The following ANKRD17 variants were observed in gnomAD, a reference collection of about 807,000 sequenced individuals.
The protein encoded by ANKRD17 is ankyrin repeat domain-containing protein 17.
A neutral mutation model predicts 229.7 loss-of-function variants in ANKRD17; 19 were observed. The ratio of observed to expected loss-of-function variants is 0.08; its 90% CI spans 0.06 to 0.12. The LOEUF is 0.12. ANKRD17 is among the 10% of genes least tolerant of loss of function. ANKRD17 has a pLI of 1.00. For missense variants in ANKRD17, 2,176 were observed against 3,176.8 expected (o/e 0.68, Z 7.57); for synonymous variants, 1,112 against 1,146.1 (o/e 0.97, Z 0.60).
chr4:73,241,246 AT>A (rs1243180032), intron 1 of ANKRD17, among the ~76,000 whole-genome samples: 1 of 152,208 alleles, frequency 6.6e-6, no homozygotes, highest in East Asian at 1.9e-4. Context: ...CTGATTAACT[AT>A]TTGGAAATAC....
chr4:73,193,011 G>C (rs1303868002), intron 1 of ANKRD17, among the ~76,000 whole-genome samples: 1 of 151,810 alleles, frequency 6.6e-6, no homozygotes, highest in African/African-American at 2.4e-5. Flanking sequence ...TACGAATTTT[G>C]AAAAATATAT....
intron 30 of ANKRD17, among the ~76,000 whole-genome samples, chr4:73,082,773 T>C (rs1721706326): frequency 6.6e-6 from 1 of 152,154 alleles, no homozygotes; most frequent in African/African-American, 2.4e-5. Context: ...TCTAGATTAT[T>C]TGAGACTAAA....
At chr4:73,212,853 T>TA (rs986917717) in intron 1 of ANKRD17, among the ~76,000 whole-genome samples, 4 of 143,964 alleles carry the variant, frequency 2.8e-5, no homozygotes, top group Non-Finnish European at 4.6e-5. Context: ...CCGTCTCTAC[T>TA]AAAAAAATAC....
intron 1 of ANKRD17, among the ~76,000 whole-genome samples, chr4:73,192,395 T>A (rs894143483): frequency 6.6e-6 from 1 of 152,024 alleles, no homozygotes; most frequent in Non-Finnish European, 1.5e-5. Context: ...CTATTTAAGT[T>A]GACTTAAAAA....
intron 6 of ANKRD17, among the ~76,000 whole-genome samples, chr4:73,152,319 G>C (rs1451863870): frequency 6.6e-6 from 1 of 152,100 alleles, no homozygotes; most frequent in Admixed American, 6.5e-5. Flanking sequence ...CCATAAGTAA[G>C]TGTAGTATCT....
At chr4:73,089,082 G>GGCTGGAATGCAGAGGTGTGATCTCAGCTC (rs2110147656) in intron 29 of ANKRD17, among the ~76,000 whole-genome samples, 1 of 149,600 alleles carries the variant, frequency 6.7e-6, no homozygotes. Flanking sequence ...TCTCCACCCA[G>GGCTGGAATGCAGAGGTGTGATCTCAGCTC]GCTGGAATGC....
chr4:73,205,404 A>T (rs964206548), intron 1 of ANKRD17, among the ~76,000 whole-genome samples: 1 of 152,206 alleles, frequency 6.6e-6, no homozygotes, highest in African/African-American at 2.4e-5. Context: ...AACACAGACC[A>T]ATGGAACAGA....
At chr4:73,187,143 G>T (rs1360445342) in intron 1 of ANKRD17, among the ~76,000 whole-genome samples, 1 of 152,068 alleles carries the variant, frequency 6.6e-6, no homozygotes, top group African/African-American at 2.4e-5. Context: ...AGATATCTGT[G>T]CAATTAAAAG....
intron 15 of ANKRD17, among the ~76,000 whole-genome samples, chr4:73,138,526 CTCA>C (rs1729199533): frequency 6.6e-6 from 1 of 151,856 alleles, no homozygotes; most frequent in African/African-American, 2.4e-5. Context: ...AAAAAATAAG[CTCA>C]TCATATTTAA....
chr4:73,122,330 T>C (rs1489627657), intron 18 of ANKRD17, among the ~76,000 whole-genome samples: 1 of 152,178 alleles, frequency 6.6e-6, no homozygotes, highest in African/African-American at 2.4e-5. Flanking sequence ...GTGGTTGTAC[T>C]ATGTACACTC....
chr4:73,125,092 T>C (rs539381485), intron 17 of ANKRD17, 34 bp from the exon 18 acceptor site: 1 of 1,610,316 alleles, frequency 6.2e-7, no homozygotes, highest in East Asian at 2.2e-5. Context: ...CACTACATGC[T>C]AAGGCAAAAG....
chr4:73,182,351 C>T (rs1206179367), intron 1 of ANKRD17, among the ~76,000 whole-genome samples: 1 of 152,036 alleles, frequency 6.6e-6, no homozygotes, highest in Non-Finnish European at 1.5e-5. Flanking sequence ...TAGAAATCAC[C>T]AGGTTCAATT....
At chr4:73,079,392 T>C (rs1390095877) in intron 30 of ANKRD17, among the ~76,000 whole-genome samples, 1 of 152,154 alleles carries the variant, frequency 6.6e-6, no homozygotes, top group Non-Finnish European at 1.5e-5. Context: ...TTTTTATTTA[T>C]TTTATTTATG....
At chr4:73,251,646 C>T (rs773298394) in intron 1 of ANKRD17, among the ~76,000 whole-genome samples, 6 of 151,418 alleles carry the variant, frequency 4.0e-5, no homozygotes, top group African/African-American at 7.3e-5. Flanking sequence ...GGCACTACTT[C>T]GCATACCAAT....
intron 27 of ANKRD17, among the ~76,000 whole-genome samples, chr4:73,096,342 G>C (rs1045230531): frequency 9.2e-5 from 14 of 152,186 alleles, no homozygotes; most frequent in Admixed American, 7.9e-4. Flanking sequence ...CCAATAGAGT[G>C]TGTATGTGAA....
chr4:73,165,781 C>T (rs1349758039), intron 2 of ANKRD17, among the ~76,000 whole-genome samples: 1 of 152,148 alleles, frequency 6.6e-6, no homozygotes, highest in East Asian at 1.9e-4. Flanking sequence ...ATTCTACTTG[C>T]CACTGCTGAC....
chr4:73,094,671 GTATA>G (rs1194671232), intron 27 of ANKRD17, among the ~76,000 whole-genome samples: 16 of 149,656 alleles, frequency 1.1e-4, no homozygotes, highest in Non-Finnish European at 1.8e-4. Context: ...ATACATATAT[GTATA>G]TATAGACATA....
At chr4:73,170,799 A>C (rs1029442048) in intron 2 of ANKRD17, among the ~76,000 whole-genome samples, 1 of 152,106 alleles carries the variant, frequency 6.6e-6, no homozygotes, top group African/African-American at 2.4e-5. Flanking sequence ...CTGTGGAAAG[A>C]GGAAGAGTGG....
chr4:73,233,143 A>C (rs61661011), intron 1 of ANKRD17, among the ~76,000 whole-genome samples: 30,152 of 152,044 alleles, frequency 0.2, 4,077 homozygotes, highest in African/African-American at 0.38. Flanking sequence ...AAAATGGCAA[A>C]ATACATGTTA....
Sources: gnomAD v4.1 joint callset for allele counts (sites outside exome capture counted in the v4.1 genomes callset) on GRCh38, gnomAD v4.1.1 for gene constraint, MANE v1.5 for transcripts, NCBI Gene and HGNC (gene_info 2026-07-23, HGNC 2026-07-21) for gene names.